NAALADL2: variants seen among roughly 807,000 people sequenced by gnomAD.
NAALADL2 encodes N-acetylated alpha-linked acidic dipeptidase like 2.
In NAALADL2, 76 loss-of-function variants were observed where a neutral mutation model predicts 87.2. That is an observed-to-expected ratio of 0.87 (90% CI 0.72 to 1.05). NAALADL2 has a LOEUF of 1.05. Among genes scored for constraint, NAALADL2 ranks in the 50% least tolerant of loss-of-function variants. The pLI is 0.00. For synonymous variants in NAALADL2, 354 were observed against 331.0 expected (o/e 1.07, Z -0.75); for missense variants, 1,089 against 945.8 (o/e 1.15, Z -1.99).
chr3:175,732,313 A>G (rs959870768), intron 11 of NAALADL2, among the ~76,000 whole-genome samples: 1 of 152,218 alleles, frequency 6.6e-6, no homozygotes, highest in Non-Finnish European at 1.5e-5. Context: ...CTATAGAAAC[A>G]TATTTATGTA....
At position 175,468,877 on chromosome 3, in the gene NAALADL2, T is replaced by C. The variant is rs146036272; in HGVS notation, c.1533+1693T>C. The stretch of plus-strand genomic sequence containing the variant: ...TAGTTTTTGTCAAAGTAAGTTGATA[T>C]TTTTGTGGTTAATACACATTCATTC... On this transcript the variant is annotated intron_variant, in intron 8 of 13. Coordinates refer to ENST00000454872, the MANE Select transcript of NAALADL2 (RefSeq NM_207015.3). Among the ~76,000 whole-genome samples the C allele has an allele frequency of 2.0e-3, 307 of 152,156 alleles. 1 individual carries two copies. The highest frequency in any genetic ancestry group is 6.4e-3 in the African/African-American group (266 of 41,572).
intron 11 of NAALADL2, among the ~76,000 whole-genome samples, chr3:175,728,502 A>C (rs1181759671): frequency 6.6e-6 from 1 of 152,074 alleles, no homozygotes; most frequent in South Asian, 2.1e-4. Context: ...GCTGCTTCTC[A>C]TTCTGTTCAT....
At chr3:175,175,020 A>AT (rs1178328991) in intron 2 of NAALADL2, among the ~76,000 whole-genome samples, 3 of 152,024 alleles carry the variant, frequency 2.0e-5, no homozygotes, top group East Asian at 1.9e-4. Context: ...TGAATGTATA[A>AT]TTTTTTCTCT....
intron 4 of NAALADL2, among the ~76,000 whole-genome samples, chr3:175,310,324 C>T (rs1758206353): frequency 6.8e-6 from 1 of 147,336 alleles, no homozygotes; most frequent in Non-Finnish European, 1.5e-5. Context: ...TACATTTAGT[C>T]ACCATTTTTT....
At chr3:175,063,039 A>G (rs903707692) in intron 1 of NAALADL2, among the ~76,000 whole-genome samples, 1 of 152,130 alleles carries the variant, frequency 6.6e-6, no homozygotes, top group Non-Finnish European at 1.5e-5. Context: ...TTTTTTCTAC[A>G]TATATTTTTA....
chr3:174,820,678 A>G (rs1324009594), intron 3 of NAALADL2, among the ~76,000 whole-genome samples: 1 of 152,188 alleles, frequency 6.6e-6, no homozygotes, highest in African/African-American at 2.4e-5. Context: ...TATAGAAAAT[A>G]CTGCAAAATA....
intron 11 of NAALADL2, among the ~76,000 whole-genome samples, chr3:175,704,385 T>TATA (rs1375535944): frequency 6.6e-6 from 1 of 152,206 alleles, no homozygotes; most frequent in Non-Finnish European, 1.5e-5. Flanking sequence ...AAGCCATACA[T>TATA]ATAATACTTC....
intron 5 of NAALADL2, among the ~76,000 whole-genome samples, chr3:175,339,940 A>G (rs1762407024): frequency 1.3e-5 from 2 of 152,200 alleles, no homozygotes; most frequent in Non-Finnish European, 1.5e-5. Flanking sequence ...ATTTTCTAAA[A>G]GAGATATAAC....
At chr3:175,301,830 G>A (rs1757122704) in intron 4 of NAALADL2, among the ~76,000 whole-genome samples, 1 of 152,132 alleles carries the variant, frequency 6.6e-6, no homozygotes, top group South Asian at 2.1e-4. Flanking sequence ...CACAGTCTGA[G>A]GATATGAAGC....
At position 175,579,884 on chromosome 3, in the gene NAALADL2, A is replaced by G. The variant is rs138528135; in HGVS notation, c.1800+3697A>G. ...TGCCAGAGGGTCTATCTTTCTTAGT[A>G]TATCAGAAGATCAATCCATGCCCTA... On this transcript the variant is annotated intron_variant, in intron 10 of 13. Coordinates refer to ENST00000454872, the MANE Select transcript of NAALADL2 (RefSeq NM_207015.3). Among the ~76,000 whole-genome samples the G allele has an allele frequency of 2.0e-5, 3 of 152,228 alleles. No individual in the cohort carries two copies. In the East Asian group the frequency reaches 5.8e-4, roughly 29 times the overall value.
chr3:174,837,057 CACAG>C lies in NAALADL2; in HGVS notation c.-9+99315_-9+99318del, dbSNP rs552056935. ...GCCTACATTAAAAAATCTGAAAGAA[CACAG>C]ACAATCTAAGGTCACACTTAAGGAA... is the stretch of plus-strand genomic sequence containing the variant. On this transcript the variant is annotated intron_variant, in intron 3 of 3. Transcript: ENST00000434257. Among the ~76,000 whole-genome samples, 49 of 152,022 alleles carry C rather than the reference CACAG, an allele frequency of 3.2e-4. No individual in the cohort carries two copies. The East Asian group carries it at 4.6e-3, about 14-fold the overall frequency.
At chr3:174,764,261 C>A (rs1713475628) in intron 3 of NAALADL2, among the ~76,000 whole-genome samples, 1 of 152,230 alleles carries the variant, frequency 6.6e-6, no homozygotes, top group Non-Finnish European at 1.5e-5. Context: ...TCTTTTGCTT[C>A]AATTCATAGT....
chr3:174,768,061 A>T (rs1714074087), intron 3 of NAALADL2, among the ~76,000 whole-genome samples: 1 of 152,214 alleles, frequency 6.6e-6, no homozygotes, highest in Admixed American at 6.5e-5. Context: ...TACTAGGAGA[A>T]GCAAGTCACC....
chr3:174,662,593 T>C (rs1725601817), intron 2 of NAALADL2, among the ~76,000 whole-genome samples: 1 of 151,342 alleles, frequency 6.6e-6, no homozygotes, highest in South Asian at 2.1e-4. Flanking sequence ...AATAAAAGCA[T>C]CCTTGTTGAA....
intron 5 of NAALADL2, among the ~76,000 whole-genome samples, chr3:175,436,220 T>A (rs1216893016): frequency 7.0e-6 from 1 of 143,036 alleles, no homozygotes; most frequent in Non-Finnish European, 1.5e-5. Context: ...ATGGTGTATA[T>A]GTGCCACATT....
chr3:175,349,662 G>A (rs1355709185), intron 5 of NAALADL2, among the ~76,000 whole-genome samples: 1 of 152,036 alleles, frequency 6.6e-6, no homozygotes, highest in African/African-American at 2.4e-5. Flanking sequence ...GAGAAAATGT[G>A]AACTACAGAA....
intron 2 of NAALADL2, among the ~76,000 whole-genome samples, chr3:175,166,261 CACAA>C (rs1042380691): frequency 6.6e-6 from 1 of 151,980 alleles, no homozygotes; most frequent in Non-Finnish European, 1.5e-5. Flanking sequence ...TATACAAACA[CACAA>C]ACAAAAATTG....
At chr3:174,798,831 T>C (rs890362254) in intron 3 of NAALADL2, among the ~76,000 whole-genome samples, 1 of 152,166 alleles carries the variant, frequency 6.6e-6, no homozygotes, top group Non-Finnish European at 1.5e-5. Context: ...AGTGGATTCC[T>C]ATGGATTTTT....
Position 174,921,820 on chromosome 3 carries a change from AAG to A in NAALADL2, c.43+62372_43+62373del, listed in dbSNP as rs1468405030. ...ACTCCGTCTCAAAAAAAAAAAAAAA[AAG>A]AAAAAGAAAAAGAAAAGAAAAAAAT... On this transcript the variant is annotated intron_variant, in intron 1 of 13. Transcript: ENST00000454872. Among the ~76,000 whole-genome samples the A allele has an allele frequency of 3.3e-3, 272 of 81,458 alleles. 4 individuals are homozygous for A. Among genetic ancestry groups the A allele is most frequent in the African/African-American group, 0.016 (259 of 15,950 alleles). 53.4% of individuals were successfully genotyped at this position (81,458 alleles called of 152,430 possible).
Sources: allele counts gnomAD v4.1 joint callset (sites outside exome capture counted in the v4.1 genomes callset), GRCh38; gene constraint gnomAD v4.1.1; transcripts MANE v1.5; gene names NCBI Gene and HGNC (gene_info 2026-07-23, HGNC 2026-07-21).